The following SLC16A7 variants were observed in gnomAD, a reference collection of about 807,000 sequenced individuals.
The protein encoded by SLC16A7 is monocarboxylate transporter 2.
In SLC16A7, 33 loss-of-function variants were observed where a neutral mutation model predicts 34.9. The observed-to-expected ratio is 0.94, with a 90% CI of 0.72 to 1.26. The LOEUF is 1.26. SLC16A7 is among the 50% of genes most tolerant of loss of function. The pLI is 0.00. For synonymous variants in SLC16A7, 201 were observed against 206.6 expected (o/e 0.97, Z 0.23); for missense variants, 573 against 578.1 (o/e 0.99, Z 0.09).
chr12:59,782,144 C>T lies in SLC16A7; in HGVS notation c.*2465C>T, dbSNP rs1883294928. 6.6e-6 allele frequency: 1 copy of T among 152,188 alleles called. No homozygotes were observed. Among genetic ancestry groups the T allele is most frequent in the African/African-American group, 2.4e-5 (1 of 41,452 alleles). 9.4% of individuals were successfully genotyped at this position (152,188 alleles called of 1,614,324 possible). A position where few individuals can be genotyped will look rare whatever the true frequency, so the allele number is the denominator to read the frequency against. On this transcript the variant is annotated 3_prime_UTR_variant, in exon 6 of 6. Transcript: ENST00000547379. ...TCAAAGCACATGATTTGTACAGTCA[C>T]ACCTGGCAGTAGCACTGCACAGTTA...
intron 2 of SLC16A7, among the ~76,000 whole-genome samples, chr12:59,675,588 A>G (rs1387862550): frequency 1.3e-5 from 2 of 152,208 alleles, no homozygotes; most frequent in African/African-American, 4.8e-5. Flanking sequence ...TTCAAGCCTC[A>G]AAGTAAAGGT....
At chr12:59,672,985 C>T (rs1318284517) in intron 2 of SLC16A7, among the ~76,000 whole-genome samples, 1 of 152,056 alleles carries the variant, frequency 6.6e-6, no homozygotes, top group Non-Finnish European at 1.5e-5. Context: ...TGGATCTAGT[C>T]AGCTATTTGA....
chr12:59,685,854 T>G (rs921121958), intron 2 of SLC16A7, among the ~76,000 whole-genome samples: 2 of 152,188 alleles, frequency 1.3e-5, no homozygotes, highest in East Asian at 3.9e-4. Context: ...GCATAAAAAA[T>G]TTTAATAATT....
intron 2 of SLC16A7, among the ~76,000 whole-genome samples, chr12:59,671,833 A>G (rs894132724): frequency 7.4e-6 from 1 of 135,158 alleles, no homozygotes; most frequent in Non-Finnish European, 1.6e-5. Context: ...ATATGTATAT[A>G]TGTATATATG....
At chr12:59,597,913 A>G (rs1362536318) in intron 1 of SLC16A7, among the ~76,000 whole-genome samples, 1 of 152,210 alleles carries the variant, frequency 6.6e-6, no homozygotes, top group East Asian at 1.9e-4. Context: ...AAATTTTAAC[A>G]TCTGTTTCCC....
intron 1 of SLC16A7, among the ~76,000 whole-genome samples, chr12:59,649,896 C>G (rs181605350): frequency 4.6e-4 from 70 of 152,186 alleles, no homozygotes; most frequent in Non-Finnish European, 8.2e-4. Flanking sequence ...TTGCAGTGAG[C>G]TGAGATCATG....
intron 5 of SLC16A7, among the ~76,000 whole-genome samples, chr12:59,779,118 T>C (rs1883032547): frequency 6.6e-6 from 1 of 152,030 alleles, no homozygotes; most frequent in African/African-American, 2.4e-5. Context: ...TATAAAAATA[T>C]ACCTCACTCA....
intron 1 of SLC16A7, among the ~76,000 whole-genome samples, chr12:59,623,595 A>C: frequency 6.6e-6 from 1 of 151,716 alleles, no homozygotes; most frequent in East Asian, 1.9e-4. Flanking sequence ...GCTAAATGCA[A>C]TTTATTTTCA....
intron 3 of SLC16A7, among the ~76,000 whole-genome samples, chr12:59,765,832 A>G (rs934247931): frequency 5.3e-4 from 80 of 152,186 alleles, no homozygotes; most frequent in African/African-American, 1.8e-3. Context: ...TTTTCGTTCC[A>G]TATGAACTTT....
intron 3 of SLC16A7, among the ~76,000 whole-genome samples, chr12:59,736,944 G>T: frequency 6.6e-6 from 1 of 152,052 alleles, no homozygotes; most frequent in East Asian, 1.9e-4. Context: ...CCATTTCACT[G>T]AACAATTCCT....
Position 59,614,982 on chromosome 12 carries a change from G to A in SLC16A7, c.-130+18746G>A, listed in dbSNP as rs376700819. ...CGCACCACTGCACTCCAGCCTGGTC[G>A]ACAGAGCAAGGATCCATCTCAAAAA... On this transcript the variant is annotated intron_variant, in intron 1 of 5. Coordinates refer to ENST00000547379, the MANE Select transcript of SLC16A7 (RefSeq NM_001270623.2). 4.0e-4 allele frequency among the ~76,000 whole-genome samples: 61 copies of A among 151,468 alleles called. No homozygotes were observed. In the South Asian group the frequency reaches 7.5e-3, roughly 19 times the overall value.
chr12:59,647,672 A>G (rs1161187590), intron 1 of SLC16A7, among the ~76,000 whole-genome samples: 1 of 152,188 alleles, frequency 6.6e-6, no homozygotes, highest in Non-Finnish European at 1.5e-5. Context: ...GGACTAATAG[A>G]GATACATAAA....
intron 3 of SLC16A7, among the ~76,000 whole-genome samples, chr12:59,752,877 G>A (rs944465389): frequency 2.6e-5 from 4 of 152,182 alleles, no homozygotes; most frequent in African/African-American, 9.7e-5. Flanking sequence ...TACCCACAAA[G>A]GGAAGCCCAT....
intron 2 of SLC16A7, among the ~76,000 whole-genome samples, chr12:59,686,094 T>C (rs907578449): frequency 7.5e-6 from 1 of 133,718 alleles, no homozygotes; most frequent in East Asian, 2.3e-4. Flanking sequence ...AAAGAACTTT[T>C]CTTTTTTTTT....
chr12:59,771,654 A>G (rs1023399869), intron 4 of SLC16A7, among the ~76,000 whole-genome samples: 2 of 152,112 alleles, frequency 1.3e-5, no homozygotes, highest in African/African-American at 4.8e-5. Context: ...TCTTCAGCCA[A>G]TGGAGATGGT....
rs190491966 is a variant in SLC16A7, at chr12:59,750,790, G to A, written c.218-20429G>A. 2.6e-5 allele frequency among the ~76,000 whole-genome samples: 4 copies of A among 152,216 alleles called. No individual in the cohort carries two copies. The East Asian group carries it at 7.7e-4, about 29-fold the overall frequency. ...GTTTACTGTAGCACTGTTCACAATA[G>A]CAAAGACTTGCAACCAACCCAAATG... On this transcript the variant is annotated intron_variant, in intron 3 of 5. Transcript: ENST00000547379.
intron 3 of SLC16A7, among the ~76,000 whole-genome samples, chr12:59,712,579 G>A (rs981075570): frequency 6.6e-6 from 1 of 152,174 alleles, no homozygotes; most frequent in African/African-American, 2.4e-5. Flanking sequence ...CGTCAACCCG[G>A]TGTAGAAAGG....
intron 3 of SLC16A7, among the ~76,000 whole-genome samples, chr12:59,755,073 A>T (rs957036662): frequency 1.3e-5 from 2 of 152,076 alleles, no homozygotes; most frequent in African/African-American, 4.8e-5. Flanking sequence ...CATGCTAAAA[A>T]CTCTCAATAA....
chr12:59,781,039 G>T lies in SLC16A7; in HGVS notation c.*1360G>T, dbSNP rs1883210398. Reference sequence around the variant, plus strand: ...GGCACTGTATGACTTGCAATCGTAGGTATAGTTTATAACCTGATAGCAAAA... The same window carrying T: ...GGCACTGTATGACTTGCAATCGTAGTTATAGTTTATAACCTGATAGCAAAA... On this transcript the variant is annotated 3_prime_UTR_variant, in exon 6 of 6. Transcript: ENST00000547379. The T allele has an allele frequency of 6.6e-6, 1 of 152,106 alleles. No homozygotes were observed. The highest frequency in any genetic ancestry group is 1.5e-5 in the Non-Finnish European group (1 of 68,014). 9.4% of individuals were successfully genotyped at this position (152,106 alleles called of 1,614,324 possible).
Sources: allele counts gnomAD v4.1 joint callset (sites outside exome capture counted in the v4.1 genomes callset), GRCh38; gene constraint gnomAD v4.1.1; transcripts MANE v1.5; gene names NCBI Gene and HGNC (gene_info 2026-07-23, HGNC 2026-07-21).